RAPGEF6: variants seen among roughly 807,000 people sequenced by gnomAD.
The protein encoded by RAPGEF6 is Rap guanine nucleotide exchange factor 6.
A neutral mutation model predicts 171.4 loss-of-function variants in RAPGEF6; 56 were observed. The observed-to-expected ratio is 0.33, with a 90% confidence interval of 0.26 to 0.41. The LOEUF (loss-of-function observed/expected upper bound fraction) is 0.41. Among genes scored for constraint, RAPGEF6 ranks in the 10% least tolerant of loss-of-function variants. The probability of loss-of-function intolerance (pLI) is 1.00; values close to 1 mark genes in which losing one functional copy is unlikely to be tolerated. For missense variants in RAPGEF6, 1,674 were observed against 1,921.4 expected, an observed-to-expected ratio of 0.87 and a Z score of 2.41; for synonymous variants, 692 against 650.1, an observed-to-expected ratio of 1.06 and a Z score of -0.98.
rs1351621044 is a variant in RAPGEF6 at position 131,424,214 on chromosome 5, CAT to C, written c.*3050_*3051del. 2.0e-5 allele frequency: 3 copies of C among 152,314 alleles called. No homozygotes were observed. The highest frequency in any genetic ancestry group is 4.4e-5 in the Non-Finnish European group (3 of 68,032). 9.4% of individuals were successfully genotyped at this position (152,314 alleles called of 1,614,324 possible). A position where few individuals can be genotyped will look rare whatever the true frequency, so the allele number is the denominator to read the frequency against. ...TTTCTGTCTTTTGCTGATTAGCTTA[CAT>C]GTCTCAATTTTAAAAGATCAAGTTC... On this transcript the variant is annotated 3_prime_UTR_variant, in exon 28 of 28. Transcript: ENST00000509018.
intron 1 of RAPGEF6, among the ~76,000 whole-genome samples, chr5:131,614,026 A>T (rs1193922497): frequency 6.6e-6 from 1 of 152,136 alleles, no homozygotes; most frequent in African/African-American, 2.4e-5. Context: ...TCACACCTGT[A>T]ATCCCAGCAT....
chr5:131,525,241 C>T (rs1017895074), intron 6 of RAPGEF6, among the ~76,000 whole-genome samples: 3 of 151,910 alleles, frequency 2.0e-5, no homozygotes, highest in Non-Finnish European at 4.4e-5. Context: ...TCTTTTAGGG[C>T]ACAAATAAAA....
At chr5:131,508,937 A>G (rs968281293) in intron 8 of RAPGEF6, among the ~76,000 whole-genome samples, 2 of 152,366 alleles carry the variant, frequency 1.3e-5, no homozygotes, top group South Asian at 2.1e-4. Flanking sequence ...GATAACGTTC[A>G]TAACATAAAT....
chr5:131,607,042 T>C (rs1333216026), intron 1 of RAPGEF6, among the ~76,000 whole-genome samples: 2 of 152,158 alleles, frequency 1.3e-5, no homozygotes, highest in African/African-American at 4.8e-5. Flanking sequence ...ATCCACCTAA[T>C]AATGGTCATT....
At chr5:131,471,074 ATAGTT>A (rs1754704624) in intron 17 of RAPGEF6, among the ~76,000 whole-genome samples, 1 of 152,214 alleles carries the variant, frequency 6.6e-6, no homozygotes, top group Admixed American at 6.5e-5. Context: ...TTTCCGGTAA[ATAGTT>A]TAATTAACTT....
intron 1 of RAPGEF6, among the ~76,000 whole-genome samples, chr5:131,609,128 T>C (rs753358662): frequency 5.9e-5 from 9 of 152,092 alleles, no homozygotes; most frequent in Non-Finnish European, 1.5e-5. Flanking sequence ...CTTTCACTTT[T>C]TGCCATGAGT....
intron 5 of RAPGEF6, among the ~76,000 whole-genome samples, chr5:131,550,927 G>A (rs1760883268): frequency 6.6e-6 from 1 of 152,154 alleles, no homozygotes; most frequent in South Asian, 2.1e-4. Flanking sequence ...ATAGCACTAA[G>A]TATACCAACC....
intron 4 of RAPGEF6, among the ~76,000 whole-genome samples, chr5:131,574,704 C>T (rs886786469): frequency 6.6e-6 from 1 of 152,022 alleles, no homozygotes; most frequent in Non-Finnish European, 1.5e-5. Flanking sequence ...GCCCTTTTAC[C>T]CGATTCAAGG....
intron 3 of RAPGEF6, among the ~76,000 whole-genome samples, chr5:131,602,802 A>G (rs750474222): frequency 3.3e-5 from 5 of 152,182 alleles, no homozygotes; most frequent in Non-Finnish European, 5.9e-5. Flanking sequence ...AACTAGAAAT[A>G]ACCCAACTAT....
chr5:131,610,933 G>A (rs867034255), intron 1 of RAPGEF6, among the ~76,000 whole-genome samples: 1 of 152,078 alleles, frequency 6.6e-6, no homozygotes, highest in African/African-American at 2.4e-5. Context: ...TCCCTATTAC[G>A]GGGCTCTGTA....
chr5:131,444,458 C>G (rs768658164), intron 22 of RAPGEF6, among the ~76,000 whole-genome samples: 1 of 152,138 alleles, frequency 6.6e-6, no homozygotes, highest in African/African-American at 2.4e-5. Flanking sequence ...ATGACAAAAA[C>G]CACATATATT....
chr5:131,464,613 C>T (rs1010634099), intron 17 of RAPGEF6, among the ~76,000 whole-genome samples: 1 of 152,046 alleles, frequency 6.6e-6, no homozygotes, highest in South Asian at 2.1e-4. Flanking sequence ...AGACATAGTA[C>T]TCCATGATAT....
At chr5:131,533,795 C>T (rs1759568471) in intron 6 of RAPGEF6, among the ~76,000 whole-genome samples, 1 of 152,058 alleles carries the variant, frequency 6.6e-6, no homozygotes, top group Admixed American at 6.6e-5. Flanking sequence ...GCCAGCAAAA[C>T]TCACTCAGAA....
chr5:131,577,847 C>T (rs1762696609), intron 4 of RAPGEF6, among the ~76,000 whole-genome samples: 1 of 152,192 alleles, frequency 6.6e-6, no homozygotes, highest in Admixed American at 6.5e-5. Context: ...AGTAATAACC[C>T]TTATGAGCCT....
At chr5:131,502,534 G>A (rs1196984075) in intron 11 of RAPGEF6, among the ~76,000 whole-genome samples, 1 of 152,184 alleles carries the variant, frequency 6.6e-6, no homozygotes, top group Non-Finnish European at 1.5e-5. Flanking sequence ...GTGAACTCCT[G>A]CCAGGAAAGC....
chr5:131,504,879 A>C, intron 10 of RAPGEF6, 101 bp from the exon 11 acceptor site: 1 of 1,131,946 alleles, frequency 8.8e-7, no homozygotes, highest in Non-Finnish European at 1.2e-6. Flanking sequence ...TAGCGGCATT[A>C]GTTCTTTTTC....
At chr5:131,570,090 A>G (rs1194790625) in intron 4 of RAPGEF6, among the ~76,000 whole-genome samples, 1 of 147,270 alleles carries the variant, frequency 6.8e-6, no homozygotes, top group Non-Finnish European at 1.5e-5. Context: ...GAGAGAAATT[A>G]TATGAAAACT....
intron 1 of RAPGEF6, among the ~76,000 whole-genome samples, chr5:131,613,859 C>T (rs1427570030): frequency 2.0e-5 from 3 of 152,072 alleles, no homozygotes; most frequent in African/African-American, 7.2e-5. Context: ...CAAGTGTTAC[C>T]AATTAGACAT....
intron 4 of RAPGEF6, among the ~76,000 whole-genome samples, chr5:131,573,692 G>A (rs1762441218): frequency 6.6e-6 from 1 of 152,040 alleles, no homozygotes. Context: ...CTCCTGCCTA[G>A]TCAAGTGGCT....
Sources: gnomAD v4.1 joint callset for allele counts (sites outside exome capture counted in the v4.1 genomes callset) on GRCh38, gnomAD v4.1.1 for gene constraint, MANE v1.5 for transcripts, NCBI Gene and HGNC (gene_info 2026-07-23, HGNC 2026-07-21) for gene names.